TMTC1: variants seen among roughly 807,000 people sequenced by gnomAD.
TMTC1 encodes protein O-mannosyl-transferase TMTC1.
TMTC1 carries 73 observed loss-of-function variants against 104.8 expected under a neutral mutation model. The observed-to-expected ratio is 0.70, with a 90% CI of 0.58 to 0.85. TMTC1 has a LOEUF of 0.85. Among genes scored for constraint, TMTC1 ranks in the 40% least tolerant of loss-of-function variants. The pLI is 0.00. For missense variants in TMTC1, 1,035 were observed against 1,096.1 expected, an observed-to-expected ratio of 0.94 and a Z score of 0.79; for synonymous variants, 434 against 428.7, an observed-to-expected ratio of 1.01 and a Z score of -0.15.
intron 1 of TMTC1, among the ~76,000 whole-genome samples, chr12:29,772,996 C>G (rs1943628492): frequency 1.3e-5 from 2 of 152,166 alleles, no homozygotes; most frequent in Admixed American, 6.6e-5. Context: ...AAGAATCTCT[C>G]ATTTTATTTG....
chr12:29,718,370 C>T (rs2136870043), intron 5 of TMTC1, among the ~76,000 whole-genome samples: 1 of 152,230 alleles, frequency 6.6e-6, no homozygotes, highest in South Asian at 2.1e-4. Context: ...AGACAGAATC[C>T]AGAGCAGCCT....
At chr12:29,750,074 CACA>C (rs1404204877) in intron 5 of TMTC1, among the ~76,000 whole-genome samples, 1 of 151,612 alleles carries the variant, frequency 6.6e-6, no homozygotes, top group African/African-American at 2.4e-5. Flanking sequence ...CACACACACA[CACA>C]CACACACACA....
chr12:29,687,569 T>C (rs1428949838), intron 5 of TMTC1, among the ~76,000 whole-genome samples: 11 of 152,214 alleles, frequency 7.2e-5, no homozygotes, highest in Admixed American at 7.2e-4. Flanking sequence ...TGAATTGATC[T>C]GTAGTACTGT....
chr12:29,688,765 T>C (rs16934774), intron 5 of TMTC1, among the ~76,000 whole-genome samples: 22,774 of 152,202 alleles, frequency 0.15, 1,925 homozygotes, highest in East Asian at 0.34. Context: ...AATAACTTGC[T>C]TGAGCTACTA....
chr12:29,600,040 G>T (rs1407850675), intron 7 of TMTC1, among the ~76,000 whole-genome samples: 1 of 136,926 alleles, frequency 7.3e-6, no homozygotes, highest in African/African-American at 2.8e-5. Flanking sequence ...AAAGAGCCTG[G>T]ATACTAATGC....
At chr12:29,606,834 G>T (rs527276467) in intron 6 of TMTC1, among the ~76,000 whole-genome samples, 1 of 151,748 alleles carries the variant, frequency 6.6e-6, no homozygotes, top group South Asian at 2.1e-4. Context: ...CCCTTCCAAC[G>T]CACCTTCCTC....
chr12:29,746,360 A>G (rs974427988), intron 5 of TMTC1, among the ~76,000 whole-genome samples: 8 of 152,212 alleles, frequency 5.3e-5, no homozygotes, highest in African/African-American at 1.9e-4. Flanking sequence ...TTATTCATCA[A>G]TAATACAGGC....
At chr12:29,710,817 TA>T (rs1941888438) in intron 5 of TMTC1, among the ~76,000 whole-genome samples, 1 of 12,214 alleles carries the variant, frequency 8.2e-5, no homozygotes, top group South Asian at 6.8e-3. Flanking sequence ...ATATATAATA[TA>T]ATGTTTATAT....
At chr12:29,673,809 G>A (rs1940619411) in intron 5 of TMTC1, among the ~76,000 whole-genome samples, 1 of 145,402 alleles carries the variant, frequency 6.9e-6, no homozygotes, top group African/African-American at 2.5e-5. Flanking sequence ...GCCCAGGCTG[G>A]GGTGCAATGG....
chr12:29,759,448 G>T (rs1206493247), intron 2 of TMTC1, among the ~76,000 whole-genome samples: 1 of 152,196 alleles, frequency 6.6e-6, no homozygotes, highest in Non-Finnish European at 1.5e-5. Flanking sequence ...AGTGAGCTGT[G>T]ATCGTGCCAC....
chr12:29,681,266 A>AT (rs1290111634), intron 5 of TMTC1, among the ~76,000 whole-genome samples: 3 of 152,166 alleles, frequency 2.0e-5, no homozygotes, highest in Admixed American at 6.5e-5. Flanking sequence ...AGAATCAAGC[A>AT]TTTGTCCTGT....
At chr12:29,660,982 C>A in intron 5 of TMTC1, 1 of 582,122 alleles carries the variant, frequency 1.7e-6, no homozygotes, top group Middle Eastern at 3.0e-4. Flanking sequence ...AAGAAGGCTG[C>A]AGAGAACAAT....
rs1381466503 is a variant in TMTC1, at chr12:29,666,170, G to A, written c.939-32834C>T. On this transcript the variant is annotated intron_variant, in intron 5 of 17. Transcript: ENST00000539277. ...GCAAGATGATCAATAAATGCTTACT[G>A]AGCCAAATCAAATTGTAAACATCTA... is the stretch of plus-strand genomic sequence containing the variant. The A allele has an allele frequency of 6.9e-6, 3 of 433,076 alleles. 1 individual carries two copies. The highest frequency in any genetic ancestry group is 3.4e-5 in the South Asian group (2 of 59,074). 26.8% of individuals were successfully genotyped at this position (433,076 alleles called of 1,614,324 possible).
At chr12:29,756,836 G>A (rs1943227275) in intron 3 of TMTC1, among the ~76,000 whole-genome samples, 1 of 152,118 alleles carries the variant, frequency 6.6e-6, no homozygotes, top group Non-Finnish European at 1.5e-5. Flanking sequence ...CAGTAGAGAG[G>A]CATTTTTTTC....
chr12:29,714,302 C>CT (rs1295501878), intron 5 of TMTC1, among the ~76,000 whole-genome samples: 1 of 152,236 alleles, frequency 6.6e-6, no homozygotes, highest in African/African-American at 2.4e-5. Context: ...TGACATTGTT[C>CT]TTTGACGTGC....
intron 5 of TMTC1, among the ~76,000 whole-genome samples, chr12:29,664,098 A>C (rs34594700): frequency 0.15 from 21,851 of 149,966 alleles, 1,732 homozygotes; most frequent in South Asian, 0.22. Flanking sequence ...GAGGAAGGAG[A>C]ATGGCGTGAA....
rs1369925606 is a variant in TMTC1, at chr12:29,503,318, T to C, written c.*3528A>G. 1 of 152,248 alleles carries C rather than the reference T, an allele frequency of 6.6e-6. No homozygotes were observed. Among genetic ancestry groups the C allele is most frequent in the Non-Finnish European group, 1.5e-5 (1 of 68,038 alleles). The allele number at this position is 152,248 out of a possible 1,614,324, so 9.4% of individuals were successfully genotyped here. The stretch of plus-strand genomic sequence containing the variant: ...TTTTCCTCCAAGGCATTTGCATCTT[T>C]GGTTTAGTTCACCTATGTTGTATCA... On this transcript the variant is annotated 3_prime_UTR_variant, in exon 18 of 18. Transcript: ENST00000539277.
intron 10 of TMTC1, among the ~76,000 whole-genome samples, chr12:29,550,164 A>T (rs773832500): frequency 5.9e-5 from 9 of 152,178 alleles, no homozygotes; most frequent in Non-Finnish European, 1.3e-4. Context: ...ATGAAAAAAA[A>T]AATTGAGAAA....
chr12:29,660,792 A>G (rs1307156300), intron 5 of TMTC1: 1 of 1,086,916 alleles, frequency 9.2e-7, no homozygotes, highest in Non-Finnish European at 1.3e-6. Flanking sequence ...ATATATATAT[A>G]TATATACTTA....
Sources: gnomAD v4.1 joint callset for allele counts (sites outside exome capture counted in the v4.1 genomes callset) on GRCh38, gnomAD v4.1.1 for gene constraint, MANE v1.5 for transcripts, NCBI Gene and HGNC (gene_info 2026-07-23, HGNC 2026-07-21) for gene names.